The following MYO5B variants were observed in gnomAD, a reference collection of about 807,000 sequenced individuals.
The protein encoded by MYO5B is unconventional myosin-Vb.
Under a neutral mutation model 229.3 loss-of-function variants are expected in MYO5B, and 143 were observed. The ratio of observed to expected loss-of-function variants is 0.62; its 90% CI spans 0.54 to 0.72. MYO5B has a LOEUF of 0.72. Ranked by LOEUF, MYO5B falls within the 30% of genes least tolerant of loss-of-function variation. The pLI, the probability that MYO5B is intolerant of heterozygous loss-of-function variation, is 0.00. For missense variants in MYO5B, 2,321 were observed against 2,331.0 expected, an observed-to-expected ratio of 1.00 and a Z score of 0.09; for synonymous variants, 918 against 885.2, an observed-to-expected ratio of 1.04 and a Z score of -0.66.
chr18:50,069,250 T>A (rs2030895552), intron 1 of MYO5B, among the ~76,000 whole-genome samples: 1 of 152,186 alleles, frequency 6.6e-6, no homozygotes, highest in South Asian at 2.1e-4. Flanking sequence ...CCTGCTATTA[T>A]CTACTATCTG....
intron 1 of MYO5B, chr18:50,097,221 C>T (rs994527162): frequency 4.8e-5 from 22 of 456,590 alleles, no homozygotes; most frequent in Admixed American, 2.8e-4. Context: ...CTCCCACCTC[C>T]GCATCCCTAG....
At chr18:49,990,128 C>G (rs1209941427) in intron 7 of MYO5B, among the ~76,000 whole-genome samples, 1 of 152,210 alleles carries the variant, frequency 6.6e-6, no homozygotes, top group Non-Finnish European at 1.5e-5. Context: ...GACACATTTC[C>G]TATGATGCTT....
intron 1 of MYO5B, among the ~76,000 whole-genome samples, chr18:50,094,223 C>G (rs1568104090): frequency 6.6e-6 from 1 of 152,016 alleles, no homozygotes; most frequent in Non-Finnish European, 1.5e-5. Context: ...GTATATTAAC[C>G]AAAAAGCACA....
At chr18:49,976,500 C>T (rs1451094278) in intron 9 of MYO5B, among the ~76,000 whole-genome samples, 2 of 152,190 alleles carry the variant, frequency 1.3e-5, no homozygotes, top group Admixed American at 6.5e-5. Flanking sequence ...CACAGCTGAA[C>T]TGGTTTAATA....
rs759569183 is a variant in MYO5B, at chr18:49,992,443, A to G, written c.613-12T>C. The G allele has an allele frequency of 1.2e-6, 2 of 1,614,016 alleles. No homozygotes were observed. The highest frequency in any genetic ancestry group is 1.7e-5 in the Admixed American group (1 of 60,002). On this transcript the variant is annotated splice_polypyrimidine_tract_variant and intron_variant, in intron 5 of 39. Coordinates refer to ENST00000285039, the MANE Select transcript of MYO5B (RefSeq NM_001080467.3). Reference sequence around the variant, plus strand: ...GCATTTCCAATGGCCTGCACAGACCAGACAGACAAAGGTATGAAAAAAAAA... The same window carrying G: ...GCATTTCCAATGGCCTGCACAGACCGGACAGACAAAGGTATGAAAAAAAAA...
chr18:50,086,929 A>G (rs1008896210), intron 1 of MYO5B, among the ~76,000 whole-genome samples: 3 of 152,154 alleles, frequency 2.0e-5, no homozygotes, highest in Non-Finnish European at 2.9e-5. Context: ...CATAGAACCA[A>G]AAAGGATACC....
At chr18:50,037,210 C>T (rs2026458643) in intron 3 of MYO5B, among the ~76,000 whole-genome samples, 1 of 150,078 alleles carries the variant, frequency 6.7e-6, no homozygotes. Context: ...CACATACACA[C>T]ACACAAACAC....
chr18:50,186,207 G>A lies in MYO5B; in HGVS notation c.27+8560C>T, dbSNP rs183179895. Among the ~76,000 whole-genome samples the A allele has an allele frequency of 3.3e-5, 5 of 152,316 alleles. No individual in the cohort carries two copies. In the East Asian group the frequency reaches 7.7e-4, roughly 24 times the overall value. ...CATCCCAAGCTGGGCCAGCCTCATC[G>A]CAAGTGCTCAGCAGCCACATGCAGT... On this transcript the variant is annotated intron_variant, in intron 1 of 39. Coordinates refer to ENST00000285039, the MANE Select transcript of MYO5B (RefSeq NM_001080467.3).
intron 39 of MYO5B, among the ~76,000 whole-genome samples, chr18:49,829,123 C>T (rs2144017368): frequency 6.7e-6 from 1 of 150,052 alleles, no homozygotes; most frequent in East Asian, 2.0e-4. Flanking sequence ...GCTCTGTCAC[C>T]CAGGCTGGAG....
intron 21 of MYO5B, among the ~76,000 whole-genome samples, chr18:49,901,900 C>T (rs1052699366): frequency 1.3e-5 from 2 of 152,110 alleles, no homozygotes; most frequent in African/African-American, 2.4e-5. Flanking sequence ...GTAGGAGGGC[C>T]GCTATATTAG....
At chr18:49,936,133 G>C (rs1302688320) in intron 16 of MYO5B, 119 bp downstream of exon 16, 1 of 814,518 alleles carries the variant, frequency 1.2e-6, no homozygotes, top group Non-Finnish European at 2.1e-6. Flanking sequence ...TCTGGGGAGT[G>C]TAAGTCCAGG....
intron 1 of MYO5B, among the ~76,000 whole-genome samples, chr18:50,167,167 C>G (rs895902870): frequency 6.6e-6 from 1 of 152,238 alleles, no homozygotes; most frequent in Non-Finnish European, 1.5e-5. Context: ...AATCTTACAT[C>G]TTTCCTTAGG....
At chr18:49,993,661 C>G (rs2025956160) in intron 5 of MYO5B, among the ~76,000 whole-genome samples, 1 of 152,122 alleles carries the variant, frequency 6.6e-6, no homozygotes, top group South Asian at 2.1e-4. Flanking sequence ...ACGGGTCAAA[C>G]TGTCCCTATT....
At chr18:49,837,475 G>A in intron 37 of MYO5B, 42 bp downstream of exon 37, 1 of 1,610,314 alleles carries the variant, frequency 6.2e-7, no homozygotes, top group Non-Finnish European at 8.5e-7. Context: ...AGTCAGTGAG[G>A]GCCCACTCTA....
chr18:49,933,840 C>T (rs1244726678), intron 16 of MYO5B, among the ~76,000 whole-genome samples: 2 of 152,176 alleles, frequency 1.3e-5, no homozygotes, highest in African/African-American at 4.8e-5. Flanking sequence ...TTTATACTCT[C>T]ATGAATAATT....
At chr18:49,974,798 G>GACACACACACACACACACACACAC (rs10680505) in intron 9 of MYO5B, among the ~76,000 whole-genome samples, 183 bp from the exon 10 acceptor site, 3,162 of 131,022 alleles carry the variant, frequency 0.024, 173 homozygotes, top group South Asian at 0.034. Flanking sequence ...CACACACACA[G>GACACACACACACACACACACACAC]ACACACACAC....
intron 4 of MYO5B, among the ~76,000 whole-genome samples, chr18:50,004,157 A>C (rs2026076659): frequency 6.6e-6 from 1 of 152,188 alleles, no homozygotes; most frequent in South Asian, 2.1e-4. Flanking sequence ...GTGGAGAAAA[A>C]GTGGGCTCTT....
intron 1 of MYO5B, among the ~76,000 whole-genome samples, chr18:50,185,095 T>G (rs1403427510): frequency 6.6e-6 from 1 of 151,414 alleles, no homozygotes; most frequent in East Asian, 1.9e-4. Context: ...ATAAAAAATA[T>G]AGAGTAGTCA....
chr18:50,172,288 CAAAA>C (rs55973734), intron 1 of MYO5B, among the ~76,000 whole-genome samples: 1 of 90,520 alleles, frequency 1.1e-5, no homozygotes. Flanking sequence ...CAAAAAAAGA[CAAAA>C]AAAAAAAAAA....
Sources: allele counts gnomAD v4.1 joint callset (sites outside exome capture counted in the v4.1 genomes callset), GRCh38; gene constraint gnomAD v4.1.1; transcripts MANE v1.5; gene names NCBI Gene and HGNC (gene_info 2026-07-23, HGNC 2026-07-21).